The following RSPO2 variants were observed in gnomAD, a reference collection of about 807,000 sequenced individuals.
RSPO2 encodes the protein R-spondin 2.
RSPO2 carries 14 observed loss-of-function variants against 30.9 expected under a neutral mutation model. That is an observed-to-expected ratio of 0.45 (90% confidence interval 0.30 to 0.71). The LOEUF (loss-of-function observed/expected upper bound fraction) is 0.71, where lower values mean the gene tolerates loss of function less well. Among genes scored for constraint, RSPO2 ranks in the 30% least tolerant of loss-of-function variants. The pLI is 0.08. For missense variants in RSPO2, 264 were observed against 301.9 expected (o/e 0.87, Z 0.93); for synonymous variants, 107 against 96.4 (o/e 1.11, Z -0.64).
Position 107,958,316 on chromosome 8 carries a change from T to C in RSPO2, c.428-48A>G, listed in dbSNP as rs1813499269. ...GAAAAAAAAACACAAGCACATAAGTTAGTATCCATTTGCTTCACTGTCATC... is the reference window on the plus strand; with the variant it reads ...GAAAAAAAAACACAAGCACATAAGTCAGTATCCATTTGCTTCACTGTCATC... On this transcript the variant is annotated intron_variant, in intron 4 of 5. Coordinates refer to ENST00000276659, the MANE Select transcript of RSPO2 (RefSeq NM_178565.5). The C allele has an allele frequency of 7.5e-6, 11 of 1,465,096 alleles. No homozygotes were observed. In the East Asian group the frequency reaches 9.1e-5, roughly 12 times the overall value. The allele number at this position is 1,465,096 out of a possible 1,614,324, so 90.8% of individuals were successfully genotyped here.
chr8:107,904,949 T>A (rs979380078), intron 5 of RSPO2, among the ~76,000 whole-genome samples: 1 of 152,066 alleles, frequency 6.6e-6, no homozygotes, highest in Non-Finnish European at 1.5e-5. Flanking sequence ...ACCTATCAAC[T>A]CTTCTGCAGA....
chr8:108,063,068 C>T (rs1423520893), intron 2 of RSPO2, among the ~76,000 whole-genome samples: 18 of 151,764 alleles, frequency 1.2e-4, no homozygotes, highest in Admixed American at 9.2e-4. Flanking sequence ...AACCCACAGC[C>T]AATATCATAC....
chr8:107,926,288 A>T (rs1170595808), intron 5 of RSPO2, among the ~76,000 whole-genome samples: 4 of 152,040 alleles, frequency 2.6e-5, no homozygotes, highest in African/African-American at 7.3e-5. Flanking sequence ...TTCTTTGTAG[A>T]TTCTGGATAT....
At chr8:107,913,838 CA>C (rs1811896551) in intron 5 of RSPO2, among the ~76,000 whole-genome samples, 2 of 152,010 alleles carry the variant, frequency 1.3e-5, no homozygotes, top group Admixed American at 1.3e-4. Flanking sequence ...AAACTAAAAT[CA>C]AAGGAAGCTA....
chr8:108,010,394 G>C (rs1430774228), intron 2 of RSPO2, among the ~76,000 whole-genome samples: 3 of 152,176 alleles, frequency 2.0e-5, no homozygotes, highest in Admixed American at 2.0e-4. Context: ...AGCATCCAGG[G>C]GTGCTCCTTC....
intron 2 of RSPO2, among the ~76,000 whole-genome samples, chr8:108,011,406 T>C (rs1810709198): frequency 6.6e-6 from 1 of 152,188 alleles, no homozygotes; most frequent in South Asian, 2.1e-4. Flanking sequence ...CAAGGTAGTA[T>C]GAATCAGTTT....
At chr8:107,993,497 T>C (rs1472279124) in intron 2 of RSPO2, among the ~76,000 whole-genome samples, 4 of 152,096 alleles carry the variant, frequency 2.6e-5, no homozygotes, top group African/African-American at 9.7e-5. Context: ...ATAATTTCAT[T>C]TATATTAGGG....
intron 2 of RSPO2, among the ~76,000 whole-genome samples, chr8:108,061,117 C>T (rs889281546): frequency 6.6e-6 from 1 of 151,814 alleles, no homozygotes; most frequent in Non-Finnish European, 1.5e-5. Context: ...TAGGAAGAAA[C>T]TGCATCAACT....
intron 2 of RSPO2, among the ~76,000 whole-genome samples, chr8:108,050,444 A>G (rs1249711724): frequency 6.6e-6 from 1 of 152,148 alleles, no homozygotes; most frequent in Non-Finnish European, 1.5e-5. Flanking sequence ...TAAGTAATAA[A>G]GGTATGTATA....
At chr8:108,060,895 A>C (rs995020144) in intron 2 of RSPO2, among the ~76,000 whole-genome samples, 2 of 137,456 alleles carry the variant, frequency 1.5e-5, no homozygotes, top group African/African-American at 7.1e-5. Context: ...TTCTTAAAGA[A>C]AAGAATTTTC....
At chr8:108,009,038 C>A (rs1467278069) in intron 2 of RSPO2, among the ~76,000 whole-genome samples, 1 of 151,888 alleles carries the variant, frequency 6.6e-6, no homozygotes, top group African/African-American at 2.4e-5. Context: ...TCATTATTGA[C>A]AAAATGCAAA....
chr8:108,060,774 C>A (rs1445300128), intron 2 of RSPO2, among the ~76,000 whole-genome samples: 1 of 151,496 alleles, frequency 6.6e-6, no homozygotes, highest in Non-Finnish European at 1.5e-5. Flanking sequence ...ATGTTAAGGG[C>A]AGCCAGAGAG....
intron 3 of RSPO2, chr8:107,983,092 A>C: frequency 7.3e-7 from 1 of 1,367,052 alleles, no homozygotes; most frequent in Non-Finnish European, 1.0e-6. Context: ...TCCCCTTCCT[A>C]AGGCCGCCGC....
chr8:107,945,627 T>C (rs1040542754), intron 5 of RSPO2, among the ~76,000 whole-genome samples: 2 of 152,208 alleles, frequency 1.3e-5, no homozygotes, highest in African/African-American at 2.4e-5. Context: ...ACAGGTTCTC[T>C]ATATTTTAGT....
Position 108,082,697 on chromosome 8 carries a change from C to T in RSPO2, c.-59G>A, listed in dbSNP as rs1447557646. 5 of 1,467,186 alleles carry T rather than the reference C, an allele frequency of 3.4e-6. No homozygotes were observed. The East Asian group carries it at 9.1e-5, about 27-fold the overall frequency. 90.9% of individuals were successfully genotyped at this position (1,467,186 alleles called of 1,614,324 possible). A position where few individuals can be genotyped will look rare whatever the true frequency, so the allele number is the denominator to read the frequency against. ...AAGTCTAGGAACTGGAGGGTTCGCC[C>T]AAAGAGCCGGCGCCGGCCGCGCTGC... On this transcript the variant is annotated 5_prime_UTR_variant, in exon 2 of 6. Transcript: ENST00000276659.
chr8:108,018,226 G>A (rs1249053502), intron 2 of RSPO2, among the ~76,000 whole-genome samples: 1 of 152,128 alleles, frequency 6.6e-6, no homozygotes, highest in East Asian at 1.9e-4. Context: ...CTTTTGGGGA[G>A]TCTCATTTTA....
chr8:107,982,156 A>G (rs1395536164), intron 3 of RSPO2, among the ~76,000 whole-genome samples: 6 of 152,188 alleles, frequency 3.9e-5, no homozygotes, highest in Non-Finnish European at 7.3e-5. Flanking sequence ...GTTAAAATGT[A>G]GCAAATTCAT....
intron 5 of RSPO2, among the ~76,000 whole-genome samples, chr8:107,912,192 T>A (rs1019073424): frequency 2.6e-5 from 4 of 152,112 alleles, no homozygotes; most frequent in African/African-American, 9.7e-5. Flanking sequence ...AAAAGCCAGC[T>A]CACAGGCCAG....
intron 2 of RSPO2, among the ~76,000 whole-genome samples, chr8:108,002,316 A>G (rs1347486091): frequency 6.6e-6 from 1 of 152,180 alleles, no homozygotes; most frequent in Non-Finnish European, 1.5e-5. Flanking sequence ...AATAGAAGAA[A>G]ACAAACTGCT....
Sources: allele counts gnomAD v4.1 joint callset (sites outside exome capture counted in the v4.1 genomes callset), GRCh38; gene constraint gnomAD v4.1.1; transcripts MANE v1.5; gene names NCBI Gene and HGNC (gene_info 2026-07-23, HGNC 2026-07-21).